Variants in CFAP58 observed in about 807,000 individuals in gnomAD.
CFAP58 encodes the protein cilia- and flagella-associated protein 58.
CFAP58 carries 88 observed loss-of-function variants against 119.5 expected under a neutral mutation model. That is an observed-to-expected ratio of 0.74 (90% CI 0.62 to 0.88). The LOEUF is 0.88. Ranked by LOEUF, CFAP58 falls within the 40% of genes least tolerant of loss-of-function variation. The pLI, the probability that CFAP58 is intolerant of heterozygous loss-of-function variation, is 0.00. For missense variants in CFAP58, 990 were observed against 1,021.2 expected (o/e 0.97, Z 0.42); for synonymous variants, 365 against 366.3 (o/e 1.00, Z 0.04).
At chr10:104,397,963 T>C (rs1051790168) in intron 11 of CFAP58, among the ~76,000 whole-genome samples, 9 of 152,248 alleles carry the variant, frequency 5.9e-5, no homozygotes, top group Non-Finnish European at 1.2e-4. Context: ...ATTCCCTACC[T>C]AACTCTCTAA....
At chr10:104,422,614 T>C (rs1013560629) in intron 15 of CFAP58, among the ~76,000 whole-genome samples, 2 of 152,216 alleles carry the variant, frequency 1.3e-5, no homozygotes, top group Admixed American at 6.5e-5. Flanking sequence ...ATCATTCACA[T>C]GTACAGTGGT....
chr10:104,402,554 C>T (rs1206517181), intron 13 of CFAP58, among the ~76,000 whole-genome samples: 1 of 152,228 alleles, frequency 6.6e-6, no homozygotes, highest in Non-Finnish European at 1.5e-5. Flanking sequence ...TGCTTCTTCT[C>T]TGCCTCCCAA....
At position 104,370,966 on chromosome 10, in the gene CFAP58, T is replaced by C; in HGVS notation, c.1002T>C (p.His334=). Residue 334 remains histidine, a synonymous_variant, in exon 7 of 18, where the codon CAT becomes CAC. Transcript: ENST00000369704. ...GKLNKIREQI[H]KKLHHTEDQK... ...TCAACAAAATCAGAGAACAAATTCA[T>C]AAGAAATTGCACCACACCGAAGATC... 1 of 1,613,674 alleles carries C rather than the reference T, an allele frequency of 6.2e-7. No homozygotes were observed.
At chr10:104,415,162 G>T (rs960676966) in intron 15 of CFAP58, among the ~76,000 whole-genome samples, 4 of 152,146 alleles carry the variant, frequency 2.6e-5, no homozygotes, top group African/African-American at 9.7e-5. Context: ...TCTGGAGTGG[G>T]CAGGTGTCTC....
At chr10:104,454,203 A>G (rs960827270) in intron 17 of CFAP58, among the ~76,000 whole-genome samples, 3 of 152,230 alleles carry the variant, frequency 2.0e-5, no homozygotes, top group African/African-American at 7.2e-5. Flanking sequence ...GTTCATATTT[A>G]AATAAACATT....
chr10:104,441,767 T>C (rs1247254535), intron 15 of CFAP58, among the ~76,000 whole-genome samples: 3 of 152,210 alleles, frequency 2.0e-5, no homozygotes, highest in Non-Finnish European at 4.4e-5. Flanking sequence ...TCCCTGCTCG[T>C]AAGGAACTCG....
chr10:104,429,542 G>A (rs1166185137), intron 15 of CFAP58, among the ~76,000 whole-genome samples: 1 of 152,168 alleles, frequency 6.6e-6, no homozygotes, highest in Non-Finnish European at 1.5e-5. Context: ...TCCTTGTTAA[G>A]GATCCGTTAG....
intron 15 of CFAP58, among the ~76,000 whole-genome samples, chr10:104,427,411 T>C (rs952659653): frequency 1.3e-5 from 2 of 152,226 alleles, no homozygotes; most frequent in South Asian, 2.1e-4. Flanking sequence ...ATAATGACAA[T>C]TTATAAATTT....
chr10:104,393,344 A>G lies in CFAP58; in HGVS notation c.1543A>G (p.Met515Val), dbSNP rs758234926. 1.2e-6 allele frequency: 2 copies of G among 1,613,648 alleles called. No homozygotes were observed. The highest frequency in any genetic ancestry group is 2.2e-5 in the South Asian group (2 of 91,060). The change falls in exon 11 of 18, where the codon ATG (methionine) becomes GTG (valine). Residue 515 changes from methionine to valine, a missense_variant. By Grantham distance (21) the Met-to-Val change is conservative (BLOSUM62 1). Transcript: ENST00000369704. ...ATTTGGTTAGGATGAAATAACAGATATGAAGAGAAAGTTAAAGATTATGAT... is the reference window on the plus strand; with the variant it reads ...ATTTGGTTAGGATGAAATAACAGATGTGAAGAGAAAGTTAAAGATTATGAT... ...LVEAQDEITD[M>V]KRKLKIMIHQ...
intron 2 of CFAP58, among the ~76,000 whole-genome samples, chr10:104,360,728 G>A (rs2014655914): frequency 6.6e-6 from 1 of 152,122 alleles, no homozygotes. Context: ...GTGAGAACAT[G>A]TGGTATTTGG....
intron 15 of CFAP58, among the ~76,000 whole-genome samples, chr10:104,414,162 G>A (rs969651929): frequency 2.0e-5 from 3 of 152,136 alleles, no homozygotes; most frequent in Non-Finnish European, 4.4e-5. Context: ...GCTAATGGCA[G>A]GCTGATTTGT....
intron 15 of CFAP58, among the ~76,000 whole-genome samples, chr10:104,422,385 C>T (rs965359101): frequency 2.6e-5 from 4 of 152,156 alleles, no homozygotes; most frequent in Non-Finnish European, 5.9e-5. Context: ...ATGAGTTAGG[C>T]CTCTGTGATA....
intron 15 of CFAP58, among the ~76,000 whole-genome samples, chr10:104,433,464 T>G (rs1248735027): frequency 6.6e-6 from 1 of 151,852 alleles, no homozygotes; most frequent in African/African-American, 2.4e-5. Flanking sequence ...TGCCAAGGGG[T>G]GGAGGTGGAA....
At chr10:104,413,027 C>T (rs1363606612) in intron 15 of CFAP58, among the ~76,000 whole-genome samples, 1 of 152,344 alleles carries the variant, frequency 6.6e-6, no homozygotes, top group East Asian at 1.9e-4. Flanking sequence ...TATGTAATGG[C>T]TCTTTCCTGT....
intron 13 of CFAP58, among the ~76,000 whole-genome samples, chr10:104,403,335 A>G (rs1285054548): frequency 1.3e-5 from 2 of 152,160 alleles, no homozygotes; most frequent in Non-Finnish European, 2.9e-5. Flanking sequence ...CTCTCCAGCC[A>G]TGTGGAACTG....
intron 15 of CFAP58, among the ~76,000 whole-genome samples, chr10:104,436,813 G>C (rs2012942587): frequency 6.6e-6 from 1 of 152,156 alleles, no homozygotes; most frequent in Non-Finnish European, 1.5e-5. Context: ...GGCATATATA[G>C]TACCTCCTTT....
Position 104,357,970 on chromosome 10 carries a change from C to CACATATACACAT in CFAP58, c.10-370_10-369insCATATACACATA, listed in dbSNP as rs2014603610. Among the ~76,000 whole-genome samples, 2 of 105,496 alleles carry CACATATACACAT rather than the reference C, an allele frequency of 1.9e-5. 1 individual carries two copies. Among genetic ancestry groups the CACATATACACAT allele is most frequent in the African/African-American group, 1.0e-4 (2 of 19,196 alleles). 69.2% of individuals were successfully genotyped at this position (105,496 alleles called of 152,430 possible). On this transcript the variant is annotated intron_variant, in intron 1 of 17. Coordinates refer to ENST00000369704, the MANE Select transcript of CFAP58 (RefSeq NM_001008723.2). Reference sequence around the variant, plus strand: ...ACACATATATACACATATATGTACACATATGTACATATGTACACATATATG... The same window carrying CACATATACACAT: ...ACACATATATACACATATATGTACACACATATACACATATATGTACATATGTACACATATATG...
chr10:104,406,558 T>G, intron 14 of CFAP58, 131 bp from the exon 15 acceptor site: 1 of 653,502 alleles, frequency 1.5e-6, no homozygotes, highest in Non-Finnish European at 2.6e-6. Context: ...TTATTTTTGG[T>G]TCTAATTCTC....
At chr10:104,363,272 G>A (rs763589733) in intron 3 of CFAP58, among the ~76,000 whole-genome samples, 3 of 152,136 alleles carry the variant, frequency 2.0e-5, no homozygotes, top group Non-Finnish European at 4.4e-5. Context: ...TCCCCTCCAG[G>A]AGCCCAGCAC....
Sources: allele counts gnomAD v4.1 joint callset (sites outside exome capture counted in the v4.1 genomes callset), GRCh38; gene constraint gnomAD v4.1.1; transcripts MANE v1.5; gene names NCBI Gene and HGNC (gene_info 2026-07-23, HGNC 2026-07-21).